Variants in SRM observed in about 807,000 individuals in gnomAD.
SRM encodes the protein spermidine synthase.
In SRM, 14 loss-of-function variants were observed where a neutral mutation model predicts 39.3. The ratio of observed to expected loss-of-function variants is 0.36; its 90% CI spans 0.24 to 0.56. The LOEUF is 0.56. Ranked by LOEUF, SRM falls within the 20% of genes least tolerant of loss-of-function variation. SRM has a pLI of 0.86. For synonymous variants in SRM, 195 were observed against 173.1 expected (o/e 1.13, Z -0.99); for missense variants, 244 against 409.2 (o/e 0.60, Z 3.48).
rs1310924224 is a variant in SRM, at chr1:11,059,953, G to T, written c.-10C>A. On this transcript the variant is annotated 5_prime_UTR_variant, in exon 1 of 8. Transcript: ENST00000376957. The stretch of plus-strand genomic sequence containing the variant: ...CGGGGCCGGGCTCCATGGCGGGCGG[G>T]CGGGCGGCGCGGGGCGCGGGCCCGG... The T allele has an allele frequency of 1.5e-5, 15 of 1,017,968 alleles. No individual in the cohort carries two copies. The Admixed American group carries it at 4.1e-4, about 28-fold the overall frequency. 63.1% of individuals were successfully genotyped at this position (1,017,968 alleles called of 1,614,324 possible).
rs1638846779 is a variant in SRM, at chr1:11,055,071, T to C, written c.779A>G (p.Gln260Arg). 1.9e-6 allele frequency: 3 copies of C among 1,609,370 alleles called. No individual in the cohort carries two copies. The highest frequency in any genetic ancestry group is 1.3e-5 in the African/African-American group (1 of 74,512). ...LCSKNPSTNF[Q>R]EPVQPLTQQQ... Reference sequence around the variant, plus strand: ...CTGTGTCAGCGGCTGCACCGGCTCCTGGAAGTTCGTGCTCTGGGGACCGGG... The same window carrying C: ...CTGTGTCAGCGGCTGCACCGGCTCCCGGAAGTTCGTGCTCTGGGGACCGGG... The change falls in exon 7 of 8, where the codon CAG becomes CGG. Residue 260 changes from glutamine (Q) to arginine (R), a missense_variant. Transcript: ENST00000376957.
Position 11,055,766 on chromosome 1 carries a change from A to G in SRM, c.765+15T>C, listed in dbSNP as rs1211115708. On this transcript the variant is annotated intron_variant, in intron 6 of 7. Coordinates refer to ENST00000376957, the MANE Select transcript of SRM (RefSeq NM_003132.3). ...CCTTCCCCCCAACCCCCACCCCCAGACACCCCCATCTCACCGGGTTCTTGC... is the reference window on the plus strand; with the variant it reads ...CCTTCCCCCCAACCCCCACCCCCAGGCACCCCCATCTCACCGGGTTCTTGC... The G allele has an allele frequency of 7.8e-7, 1 of 1,287,980 alleles. No homozygotes were observed. Among genetic ancestry groups the G allele is most frequent in the East Asian group, 3.4e-5 (1 of 29,846 alleles). 79.8% of individuals were successfully genotyped at this position (1,287,980 alleles called of 1,614,324 possible).
intron 2 of SRM, 32 bp downstream of exon 2, chr1:11,059,193 G>C: frequency 6.2e-7 from 1 of 1,612,916 alleles, no homozygotes; most frequent in African/African-American, 1.3e-5. Flanking sequence ...GCCGCCCCTC[G>C]TCCGGCACTG....
intron 4 of SRM, 96 bp from the exon 5 acceptor site, chr1:11,056,190 T>C (rs1638875848): frequency 8.5e-7 from 1 of 1,175,342 alleles, no homozygotes; most frequent in Non-Finnish European, 1.2e-6. Context: ...AGCCAGGATC[T>C]GAACCCAGGT....
chr1:11,058,090 C>A (rs1638911403), intron 3 of SRM, among the ~76,000 whole-genome samples: 1 of 152,092 alleles, frequency 6.6e-6, no homozygotes, highest in Admixed American at 6.6e-5. Flanking sequence ...TCTGATGTCT[C>A]CTTTAACTAG....
intron 1 of SRM, 53 bp from the exon 2 acceptor site, chr1:11,059,398 T>C (rs1275814983): frequency 1.9e-6 from 3 of 1,602,636 alleles, no homozygotes; most frequent in Admixed American, 3.3e-5. Flanking sequence ...GGGGAAAACG[T>C]ACCCCAAGCC....
chr1:11,055,749 C>CCAACCCCCCCCCCCCCA, intron 6 of SRM, 32 bp downstream of exon 6: 2 of 1,507,932 alleles, frequency 1.3e-6, no homozygotes, highest in Non-Finnish European at 1.8e-6. Context: ...CACCTTCCCC[C>CCAACCCCCCCCCCCCCA]CAACCCCCAC....
At chr1:11,055,149 C>T in intron 6 of SRM, 65 bp from the exon 7 acceptor site, 2 of 1,501,456 alleles carry the variant, frequency 1.3e-6, no homozygotes, top group Non-Finnish European at 1.8e-6. Context: ...GAGACGGAGT[C>T]TCACTGTTGC....
chr1:11,059,608 G>GC, intron 1 of SRM, 169 bp downstream of exon 1: 2 of 972,786 alleles, frequency 2.1e-6, no homozygotes, highest in South Asian at 1.7e-5. Flanking sequence ...CAAGAGGCCA[G>GC]CCCGCAGTCC....
intron 4 of SRM, 109 bp downstream of exon 4, chr1:11,056,495 C>G: frequency 1.5e-6 from 2 of 1,352,334 alleles, no homozygotes; most frequent in East Asian, 4.8e-5. Context: ...AAGTACAGCT[C>G]TAGTTCGGGG....
chr1:11,059,778 T>C lies in SRM; in HGVS notation c.166A>G (p.Ser56Gly). The C allele has an allele frequency of 6.4e-7, 1 of 1,573,276 alleles. No homozygotes were observed. ...SRYQDILVFR[S>G]KTYGNVLVLD... ...GGCGCCTGCGGGCAGCGGCGGTACC[T>C]GCGGAAGACGAGGATGTCCTGGTAG... is the stretch of plus-strand genomic sequence containing the variant. Residue 56 changes from serine (S) to glycine (G), a missense_variant and splice_region_variant, in exon 1 of 8, where the codon AGT becomes GGT. Ser to Gly is a moderately conservative substitution (Grantham distance 56, BLOSUM62 0). Transcript: ENST00000376957.
chr1:11,054,933 C>T lies in SRM; in HGVS notation c.888+29G>A. Reference sequence around the variant, plus strand: ...AGGAGGGCGCTCTGGGTCCCTGGGTCCCACCACCCAGCCCCGCAGGCCACC... The same window carrying T: ...AGGAGGGCGCTCTGGGTCCCTGGGTTCCACCACCCAGCCCCGCAGGCCACC... On this transcript the variant is annotated intron_variant, in intron 7 of 7. Transcript: ENST00000376957. This position sits in a 1 kb window ranked among gnomAD's most constrained non-coding sequence, Gnocchi z 4.8. 6.2e-7 allele frequency: 1 copy of T among 1,611,622 alleles called. No individual in the cohort carries two copies. The highest frequency in any genetic ancestry group is 8.5e-7 in the Non-Finnish European group (1 of 1,179,786).
At chr1:11,058,561 CAAA>C (rs55958066) in intron 3 of SRM, 3,576 of 181,724 alleles carry the variant, frequency 0.02, no homozygotes, top group Middle Eastern at 0.03. Flanking sequence ...AACTCTGTCT[CAAA>C]AAAAAAAAAA....
At chr1:11,059,450 C>G (rs1488236609) in intron 1 of SRM, 105 bp from the exon 2 acceptor site, 1 of 1,547,556 alleles carries the variant, frequency 6.5e-7, no homozygotes, top group African/African-American at 1.4e-5. Context: ...CTAGGGGTCC[C>G]AGGGATGAGG....
chr1:11,057,095 G>A lies in SRM; in HGVS notation c.382-338C>T, dbSNP rs1638891645. ...CTCCCTATGTTGCCTCGAACTCCTC[G>A]ATCCTCCCACCTCGGCCTCCAAAAG... is the stretch of plus-strand genomic sequence containing the variant. On this transcript the variant is annotated intron_variant, in intron 3 of 7. Transcript: ENST00000376957. 1.3e-5 allele frequency among the ~76,000 whole-genome samples: 2 copies of A among 151,892 alleles called. 1 individual carries two copies. Among genetic ancestry groups the A allele is most frequent in the South Asian group, 4.2e-4 (2 of 4,810 alleles).
chr1:11,059,814 G>A lies in SRM; in HGVS notation c.130C>T (p.Arg44Trp), dbSNP rs1295803163. The change falls in exon 1 of 8, where the codon CGG (arginine) becomes TGG (tryptophan). Residue 44 changes from arginine (R) to tryptophan (W), a missense_variant. Transcript: ENST00000376957. ...SLQVEQLLHH[R>W]RSRYQDILVF... ...AGGATGTCCTGGTAGCGCGAGCGCCGGTGGTGGAGCAGCTGCTCCACCTGC... is the reference window on the plus strand; with the variant it reads ...AGGATGTCCTGGTAGCGCGAGCGCCAGTGGTGGAGCAGCTGCTCCACCTGC... 8 of 1,577,914 alleles carry A rather than the reference G, an allele frequency of 5.1e-6. No individual in the cohort carries two copies. The highest frequency in any genetic ancestry group is 6.8e-6 in the Non-Finnish European group (8 of 1,171,692).
chr1:11,055,891 C>T lies in SRM; in HGVS notation c.655G>A (p.Glu219Lys), dbSNP rs374351720. ...AGGGACTGGCAGAACTGCCGCATCT[C>T]CTTGATGAGGTCCAGGTGCAGCCAC... ...CQWLHLDLIK[E>K]MRQFCQSLFP... The change falls in exon 6 of 8, where the codon GAG becomes AAG. Residue 219 changes from glutamate (E) to lysine (K), a missense_variant. Physicochemically the swap from Glu to Lys is moderately conservative, Grantham distance 56. Transcript: ENST00000376957. 9.9e-6 allele frequency: 16 copies of T among 1,609,622 alleles called. No individual in the cohort carries two copies. In the African/African-American group the frequency reaches 1.2e-4, roughly 12 times the overall value.
intron 1 of SRM, 167 bp downstream of exon 1, chr1:11,059,610 C>A: frequency 1.0e-6 from 1 of 980,242 alleles, no homozygotes; most frequent in Non-Finnish European, 1.5e-6. Flanking sequence ...AGAGGCCAGC[C>A]CGCAGTCCCA....
chr1:11,057,788 GT>G (rs1164948986), intron 3 of SRM, among the ~76,000 whole-genome samples: 3 of 149,316 alleles, frequency 2.0e-5, no homozygotes, highest in African/African-American at 7.4e-5. Flanking sequence ...TTTGTTGTTT[GT>G]TTTTTTTGAG....
Sources: gnomAD v4.1 joint callset for allele counts (sites outside exome capture counted in the v4.1 genomes callset) on GRCh38, gnomAD v4.1.1 for gene constraint, Gnocchi (gnomAD v3.1) non-coding constraint, MANE v1.5 for transcripts, NCBI Gene and HGNC (gene_info 2026-07-23, HGNC 2026-07-21) for gene names.